The following NXPH1 variants were observed in gnomAD, a reference collection of about 807,000 sequenced individuals.
NXPH1 encodes the protein neurexophilin-1.
Under a neutral mutation model 23.7 loss-of-function variants are expected in NXPH1, and 5 were observed. The ratio of observed to expected loss-of-function variants is 0.21; its 90% CI spans 0.11 to 0.44. NXPH1 has a LOEUF of 0.44. NXPH1 is among the 20% of genes least tolerant of loss of function. NXPH1 has a pLI of 0.99. For missense variants in NXPH1, 324 were observed against 321.6 expected (o/e 1.01, Z -0.06); for synonymous variants, 144 against 122.2 (o/e 1.18, Z -1.18).
At chr7:8,601,878 A>G (rs1354371056) in intron 2 of NXPH1, among the ~76,000 whole-genome samples, 1 of 152,216 alleles carries the variant, frequency 6.6e-6, no homozygotes, top group Non-Finnish European at 1.5e-5. Context: ...GCTGCTGGAA[A>G]TATTTGGCTT....
At chr7:8,618,886 T>C (rs1352692566) in intron 2 of NXPH1, among the ~76,000 whole-genome samples, 1 of 152,210 alleles carries the variant, frequency 6.6e-6, no homozygotes, top group Admixed American at 6.5e-5. Context: ...TGTGCTGCAA[T>C]TGAAGTTATC....
At chr7:8,631,228 T>C (rs1283990335) in intron 2 of NXPH1, among the ~76,000 whole-genome samples, 1 of 152,124 alleles carries the variant, frequency 6.6e-6, no homozygotes, top group Non-Finnish European at 1.5e-5. Flanking sequence ...AATAGTGCTG[T>C]AATAAACATA....
Position 8,455,644 on chromosome 7 carries a change from A to G in NXPH1, c.54+19877A>G, listed in dbSNP as rs1030010522. 6.6e-5 allele frequency among the ~76,000 whole-genome samples: 10 copies of G among 152,204 alleles called. No individual in the cohort carries two copies. The South Asian group carries it at 8.3e-4, about 13-fold the overall frequency. ...CCCAGAAAGGATCAGAATTTGAGCA[A>G]TGTTCCAGCCTGGAATTTCAACTGT... On this transcript the variant is annotated intron_variant, in intron 2 of 2. Coordinates refer to ENST00000405863, the MANE Select transcript of NXPH1 (RefSeq NM_152745.3).
chr7:8,469,480 ATG>A (rs1816836268), intron 2 of NXPH1, among the ~76,000 whole-genome samples: 1 of 152,064 alleles, frequency 6.6e-6, no homozygotes. Context: ...TCAAATGTAT[ATG>A]TGCTCTCAGT....
chr7:8,752,790 G>A lies in NXPH1; in HGVS notation c.*1021G>A, dbSNP rs967304880. 1.3e-5 allele frequency: 2 copies of A among 152,462 alleles called. No homozygotes were observed. Among genetic ancestry groups the A allele is most frequent in the Non-Finnish European group, 2.9e-5 (2 of 68,018 alleles). The allele number at this position is 152,462 out of a possible 1,614,324, so 9.4% of individuals were successfully genotyped here. A position where few individuals can be genotyped will look rare whatever the true frequency, so the allele number is the denominator to read the frequency against. ...GATATGAGGAATTCATTTTATCAAT[G>A]TAGCTGTGAAGGCCATTAAAAAGAC... On this transcript the variant is annotated 3_prime_UTR_variant, in exon 3 of 3. Transcript: ENST00000405863.
chr7:8,743,520 CA>C (rs1310552272), intron 2 of NXPH1, among the ~76,000 whole-genome samples: 7 of 152,012 alleles, frequency 4.6e-5, no homozygotes, highest in African/African-American at 1.5e-4. Context: ...TTTATTCCCC[CA>C]AAATGGTGTC....
intron 2 of NXPH1, among the ~76,000 whole-genome samples, chr7:8,540,602 G>T (rs1019812767): frequency 1.7e-4 from 26 of 151,736 alleles, no homozygotes; most frequent in South Asian, 4.1e-4. Context: ...TACAAAAAAA[G>T]AGTCCTCGAA....
At chr7:8,489,293 T>C (rs560587243) in intron 2 of NXPH1, among the ~76,000 whole-genome samples, 40 of 152,206 alleles carry the variant, frequency 2.6e-4, no homozygotes, top group South Asian at 1.7e-3. Flanking sequence ...CCCTTCTTCA[T>C]TCTAGGGAGT....
At chr7:8,615,766 G>A (rs934888813) in intron 2 of NXPH1, among the ~76,000 whole-genome samples, 2 of 152,036 alleles carry the variant, frequency 1.3e-5, no homozygotes, top group Non-Finnish European at 2.9e-5. Flanking sequence ...CACCAGTGGA[G>A]AAGACAGATG....
chr7:8,463,226 T>C (rs1816723868), intron 2 of NXPH1, among the ~76,000 whole-genome samples: 1 of 152,156 alleles, frequency 6.6e-6, no homozygotes, highest in South Asian at 2.1e-4. Context: ...CATATTTACA[T>C]ATACTGACAC....
At chr7:8,562,965 C>T (rs892797799) in intron 2 of NXPH1, among the ~76,000 whole-genome samples, 15 of 151,644 alleles carry the variant, frequency 9.9e-5, no homozygotes, top group Non-Finnish European at 4.4e-5. Context: ...AAATATGGCT[C>T]TAACATCATG....
intron 2 of NXPH1, among the ~76,000 whole-genome samples, chr7:8,498,062 G>A (rs931926175): frequency 2.0e-5 from 3 of 151,986 alleles, no homozygotes; most frequent in African/African-American, 7.2e-5. Context: ...ACAATCATAG[G>A]GCTCTGCTTA....
intron 2 of NXPH1, among the ~76,000 whole-genome samples, chr7:8,554,297 T>C (rs560807973): frequency 1.3e-5 from 2 of 151,806 alleles, no homozygotes; most frequent in South Asian, 4.1e-4. Flanking sequence ...TTCAGTCTAA[T>C]GAGACAGATG....
chr7:8,707,486 A>G (rs1044275712), intron 2 of NXPH1, among the ~76,000 whole-genome samples: 2 of 152,096 alleles, frequency 1.3e-5, no homozygotes, highest in Non-Finnish European at 2.9e-5. Flanking sequence ...TTCCAACTCA[A>G]TGACTATTAT....
chr7:8,707,860 G>A (rs560428017), intron 2 of NXPH1, among the ~76,000 whole-genome samples: 1 of 151,846 alleles, frequency 6.6e-6, no homozygotes, highest in Non-Finnish European at 1.5e-5. Context: ...TTGTATTATT[G>A]GAACAATTAA....
intron 2 of NXPH1, among the ~76,000 whole-genome samples, chr7:8,671,861 AT>A (rs1322072323): frequency 3.9e-5 from 6 of 152,108 alleles, no homozygotes; most frequent in African/African-American, 1.4e-4. Context: ...GATGATGAGC[AT>A]TTTTTCATGT....
At chr7:8,682,237 C>A (rs1187597813) in intron 2 of NXPH1, among the ~76,000 whole-genome samples, 23 of 152,128 alleles carry the variant, frequency 1.5e-4, no homozygotes, top group Admixed American at 1.5e-3. Flanking sequence ...TCTCTTCTGG[C>A]CTTAGAAATA....
chr7:8,702,949 G>C (rs1779648980), intron 2 of NXPH1, among the ~76,000 whole-genome samples: 1 of 152,042 alleles, frequency 6.6e-6, no homozygotes, highest in Non-Finnish European at 1.5e-5. Context: ...TGTGGTACAG[G>C]GATAGGATTT....
intron 2 of NXPH1, among the ~76,000 whole-genome samples, chr7:8,676,691 T>C (rs1279279972): frequency 1.3e-5 from 2 of 152,186 alleles, no homozygotes; most frequent in African/African-American, 2.4e-5. Context: ...CTAGTACTTG[T>C]AGGAATATTA....
Sources: allele counts gnomAD v4.1 joint callset (sites outside exome capture counted in the v4.1 genomes callset), GRCh38; gene constraint gnomAD v4.1.1; transcripts MANE v1.5; gene names NCBI Gene and HGNC (gene_info 2026-07-23, HGNC 2026-07-21).